Variants in CRYBG3 observed in about 807,000 individuals in gnomAD.
The protein encoded by CRYBG3 is crystallin beta-gamma domain containing 3, also known as very large A-kinase anchor protein.
CRYBG3 carries 127 observed loss-of-function variants against 244.2 expected under a neutral mutation model. The observed-to-expected ratio is 0.52, with a 90% CI of 0.45 to 0.60. The LOEUF is 0.60. Among genes scored for constraint, CRYBG3 ranks in the 20% least tolerant of loss-of-function variants. The probability of loss-of-function intolerance (pLI) is 0.00; values close to 1 mark genes in which losing one functional copy is unlikely to be tolerated. For synonymous variants in CRYBG3, 1,132 were observed against 1,195.8 expected (o/e 0.95, Z 1.10); for missense variants, 3,325 against 3,442.5 (o/e 0.97, Z 0.85).
intron 12 of CRYBG3, among the ~76,000 whole-genome samples, chr3:97,896,881 A>G (rs1161692400): frequency 1.3e-5 from 2 of 152,184 alleles, no homozygotes; most frequent in Non-Finnish European, 2.9e-5. Context: ...AAATTTTGCC[A>G]TGTTTAGGGA....
intron 3 of CRYBG3, among the ~76,000 whole-genome samples, chr3:97,871,356 G>A (rs1162660488): frequency 2.6e-5 from 4 of 152,090 alleles, no homozygotes; most frequent in Admixed American, 1.3e-4. Context: ...CATTTAAAAC[G>A]TTTCCAAGTT....
rs2039381319 is a variant in CRYBG3 at position 97,876,887 on chromosome 3, A to G, written c.5693A>G (p.Glu1898Gly). 9.1e-6 allele frequency: 13 copies of G among 1,420,790 alleles called. No individual in the cohort carries two copies. The highest frequency in any genetic ancestry group is 1.2e-5 in the Non-Finnish European group (13 of 1,087,504). 88.0% of individuals were successfully genotyped at this position (1,420,790 alleles called of 1,614,324 possible). ...LPAFESKTPQ[E>G]YAEGSVEETK... The stretch of plus-strand genomic sequence containing the variant: ...GCATTTGAAAGTAAAACACCACAAG[A>G]GTATGCTGAAGGGAGTGTTGAAGAA... The change falls in exon 4 of 22, where the codon GAG (glutamate) becomes GGG (glycine). Residue 1898 changes from glutamate to glycine, a missense_variant. By Grantham distance (98) the Glu-to-Gly change is moderately conservative. Around this residue, in one of 4 missense-constraint regions of CRYBG3, gnomAD observed 635 missense variants for 771.7 expected, o/e 0.82. Coordinates refer to ENST00000389622, the MANE Select transcript of CRYBG3 (RefSeq NM_153605.4).
chr3:97,853,761 C>G (rs2039023057), intron 2 of CRYBG3, among the ~76,000 whole-genome samples: 1 of 151,958 alleles, frequency 6.6e-6, no homozygotes, highest in South Asian at 2.1e-4. Flanking sequence ...TTTTGCCATA[C>G]TTAAATATTG....
intron 15 of CRYBG3, among the ~76,000 whole-genome samples, chr3:97,907,970 G>A (rs1353918011): frequency 6.6e-6 from 1 of 152,114 alleles, no homozygotes; most frequent in Non-Finnish European, 1.5e-5. Context: ...TGGTTTCAAA[G>A]AACATCTTTA....
intron 2 of CRYBG3, among the ~76,000 whole-genome samples, chr3:97,848,132 T>G (rs1186781754): frequency 6.6e-6 from 1 of 152,214 alleles, no homozygotes; most frequent in East Asian, 1.9e-4. Flanking sequence ...TATTTTGATT[T>G]TATGTAGCTC....
intron 7 of CRYBG3, among the ~76,000 whole-genome samples, chr3:97,884,191 C>T (rs2039482576): frequency 6.6e-6 from 1 of 152,114 alleles, no homozygotes; most frequent in Non-Finnish European, 1.5e-5. Flanking sequence ...CGAATAACCT[C>T]AGTAATCAGT....
intron 18 of CRYBG3, among the ~76,000 whole-genome samples, chr3:97,935,210 A>G (rs1200158580): frequency 6.6e-6 from 1 of 152,104 alleles, no homozygotes. Flanking sequence ...CATCCCACAC[A>G]GTTTTCCAAC....
chr3:97,863,670 C>T (rs1473549684), intron 2 of CRYBG3, among the ~76,000 whole-genome samples: 1 of 151,956 alleles, frequency 6.6e-6, no homozygotes, highest in Non-Finnish European at 1.5e-5. Flanking sequence ...ATCTCAAGTA[C>T]CAAGAACTTG....
At chr3:97,908,425 G>C (rs956788186) in intron 15 of CRYBG3, among the ~76,000 whole-genome samples, 3 of 152,134 alleles carry the variant, frequency 2.0e-5, no homozygotes, top group African/African-American at 7.2e-5. Flanking sequence ...ATGAATCTTG[G>C]TGCTCCTGTA....
At chr3:97,916,865 T>C (rs1039614975) in intron 17 of CRYBG3, among the ~76,000 whole-genome samples, 2 of 152,104 alleles carry the variant, frequency 1.3e-5, no homozygotes, top group Non-Finnish European at 2.9e-5. Flanking sequence ...TAATACTTCT[T>C]GTCTGTTGGA....
At position 97,908,675 on chromosome 3, in the gene CRYBG3, C is replaced by T. The variant is rs1096620; in HGVS notation, c.8005-3492C>T. 2.5e-3 allele frequency among the ~76,000 whole-genome samples: 381 copies of T among 152,260 alleles called. 3 individuals are homozygous for T. In the East Asian group the frequency reaches 0.025, roughly 10 times the overall value. Reference sequence around the variant, plus strand: ...TGAGATGGGTTTCCTGAATACAGCACACTGATGGGTCTTGACTCTTTATCC... The same window carrying T: ...TGAGATGGGTTTCCTGAATACAGCATACTGATGGGTCTTGACTCTTTATCC... On this transcript the variant is annotated intron_variant, in intron 15 of 21. Coordinates refer to ENST00000389622, the MANE Select transcript of CRYBG3 (RefSeq NM_153605.4).
intron 15 of CRYBG3, among the ~76,000 whole-genome samples, chr3:97,910,993 T>C (rs542776704): frequency 6.6e-6 from 1 of 152,358 alleles, no homozygotes; most frequent in East Asian, 1.9e-4. Flanking sequence ...AAGAAGTCCC[T>C]TGATGTTTTA....
At position 97,866,597 on chromosome 3, in the gene CRYBG3, A is replaced by G. The variant is rs899631122; in HGVS notation, c.647+1950A>G. 9.2e-5 allele frequency among the ~76,000 whole-genome samples: 14 copies of G among 152,204 alleles called. 1 individual carries two copies. Among genetic ancestry groups the G allele is most frequent in the African/African-American group, 3.1e-4 (13 of 41,446 alleles). ...ATTGTTTTGCTTGCTCGCATTTGACATCTAGCATTTTAAAGTAATTTAAAA... is the reference window on the plus strand; with the variant it reads ...ATTGTTTTGCTTGCTCGCATTTGACGTCTAGCATTTTAAAGTAATTTAAAA... On this transcript the variant is annotated intron_variant, in intron 3 of 21. Transcript: ENST00000389622.
chr3:97,943,124 C>A, intron 21 of CRYBG3, 102 bp from the exon 22 acceptor site: 1 of 654,606 alleles, frequency 1.5e-6, no homozygotes, highest in Non-Finnish European at 2.7e-6. Context: ...ATGACACATT[C>A]ATCCACCGAA....
At chr3:97,834,880 T>C (rs1451796980) in intron 1 of CRYBG3, among the ~76,000 whole-genome samples, 1 of 152,154 alleles carries the variant, frequency 6.6e-6, no homozygotes, top group Non-Finnish European at 1.5e-5. Flanking sequence ...CTCTTTTTGA[T>C]AGTAATATTT....
At chr3:97,893,559 A>G (rs1219151769) in intron 11 of CRYBG3, among the ~76,000 whole-genome samples, 4 of 152,226 alleles carry the variant, frequency 2.6e-5, no homozygotes, top group Middle Eastern at 3.2e-3. Context: ...AAGCCCCCCA[A>G]ATCTGTGATG....
rs1278904239 is a variant in CRYBG3, at chr3:97,912,360, A to G, written c.8114+84A>G. 3.4e-5 allele frequency: 20 copies of G among 596,238 alleles called. 1 individual carries two copies. The South Asian group carries it at 5.9e-4, about 18-fold the overall frequency. The allele number at this position is 596,238 out of a possible 1,614,324, so 36.9% of individuals were successfully genotyped here. On this transcript the variant is annotated intron_variant, in intron 16 of 21. Coordinates refer to ENST00000389622, the MANE Select transcript of CRYBG3 (RefSeq NM_153605.4). ...ACAGAGATATATTTTTTGCATGCACAGTGAATCCTTAAAATTTATCTTCAA... is the reference window on the plus strand; with the variant it reads ...ACAGAGATATATTTTTTGCATGCACGGTGAATCCTTAAAATTTATCTTCAA...
At chr3:97,928,952 T>C (rs1002104402) in intron 17 of CRYBG3, among the ~76,000 whole-genome samples, 6 of 152,192 alleles carry the variant, frequency 3.9e-5, no homozygotes, top group African/African-American at 1.4e-4. Flanking sequence ...TTAAGTGCTA[T>C]ATATGTTAGT....
At chr3:97,918,564 AAG>A (rs2039951858) in intron 17 of CRYBG3, among the ~76,000 whole-genome samples, 3 of 152,316 alleles carry the variant, frequency 2.0e-5, no homozygotes, top group African/African-American at 7.2e-5. Context: ...GGATATGAAA[AAG>A]AATTTATCTG....
Sources: gnomAD v4.1 joint callset for allele counts (sites outside exome capture counted in the v4.1 genomes callset) on GRCh38, gnomAD v4.1.1 for gene constraint, gnomAD v4.1.1 regional missense constraint, MANE v1.5 for transcripts, NCBI Gene and HGNC (gene_info 2026-07-23, HGNC 2026-07-21) for gene names.